The following RIBC2 variants were observed in gnomAD, a reference collection of about 807,000 sequenced individuals.
RIBC2 encodes the protein RIB43A domain with coiled-coils 2, also known as RIB43A-like with coiled-coils protein 2.
In RIBC2, 40 loss-of-function variants were observed where a neutral mutation model predicts 44.3. The ratio of observed to expected loss-of-function variants is 0.90; its 90% CI spans 0.70 to 1.18. RIBC2 has a LOEUF of 1.18. Among genes scored for constraint, RIBC2 ranks in the 50% most tolerant of loss-of-function variants. RIBC2 has a pLI of 0.00. For synonymous variants in RIBC2, 171 were observed against 175.0 expected (o/e 0.98, Z 0.18); for missense variants, 459 against 485.5 (o/e 0.95, Z 0.51).
At chr22:45,417,231 G>A (rs893588977) in intron 2 of RIBC2, among the ~76,000 whole-genome samples, 6 of 152,046 alleles carry the variant, frequency 3.9e-5, no homozygotes, top group Admixed American at 1.3e-4. Flanking sequence ...CTGCCTGGCC[G>A]TTCCTACACT....
chr22:45,416,772 T>C (rs1260204201), intron 2 of RIBC2, among the ~76,000 whole-genome samples: 1 of 151,482 alleles, frequency 6.6e-6, no homozygotes, highest in Non-Finnish European at 1.5e-5. Flanking sequence ...AAATGAGAGA[T>C]CTTGTTTCCC....
intron 5 of RIBC2, among the ~76,000 whole-genome samples, chr22:45,427,892 C>T (rs2087548021): frequency 6.6e-6 from 1 of 152,242 alleles, no homozygotes; most frequent in African/African-American, 2.4e-5. Context: ...ACCTCAGCCT[C>T]CCATAGTGCC....
At chr22:45,419,212 C>A (rs930150454) in intron 3 of RIBC2, among the ~76,000 whole-genome samples, 1 of 152,198 alleles carries the variant, frequency 6.6e-6, no homozygotes. Flanking sequence ...TGAATCCAGA[C>A]TCATAAATTC....
chr22:45,427,545 A>G (rs964914824), intron 5 of RIBC2, among the ~76,000 whole-genome samples: 3 of 152,240 alleles, frequency 2.0e-5, no homozygotes, highest in African/African-American at 7.2e-5. Flanking sequence ...ACAATCTCCA[A>G]TTAAAGCCCA....
chr22:45,420,987 A>G (rs574450188), intron 3 of RIBC2, among the ~76,000 whole-genome samples: 15 of 152,254 alleles, frequency 9.9e-5, no homozygotes, highest in South Asian at 4.1e-4. Context: ...CCCTGAGGTC[A>G]GGAGTTTGAG....
At chr22:45,415,891 G>C (rs957046062) in intron 2 of RIBC2, among the ~76,000 whole-genome samples, 4 of 152,134 alleles carry the variant, frequency 2.6e-5, no homozygotes, top group African/African-American at 9.7e-5. Flanking sequence ...GTAGAGACGA[G>C]GTTTCACCAT....
At position 45,417,726 on chromosome 22, in the gene RIBC2, C is replaced by A; in HGVS notation, c.336C>A (p.Arg112=). 6.2e-7 allele frequency: 1 copy of A among 1,614,100 alleles called. No individual in the cohort carries two copies. Among genetic ancestry groups the A allele is most frequent in the South Asian group, 1.1e-5 (1 of 91,076 alleles). Residue 112 remains arginine (R), a synonymous_variant, in exon 3 of 7, where the codon CGC becomes CGA. Coordinates refer to ENST00000614167, the MANE Select transcript of RIBC2 (RefSeq NM_015653.5). ...FQQSFQKPET[R]REFDLSDPLA... is the part of the protein sequence containing the mutation. ...AGAGCTTTCAGAAGCCAGAAACTCGCCGTGAATTTGATCTGTCCGACCCCC... is the reference window on the plus strand; with the variant it reads ...AGAGCTTTCAGAAGCCAGAAACTCGACGTGAATTTGATCTGTCCGACCCCC...
chr22:45,414,582 C>T (rs1243217979), intron 2 of RIBC2, among the ~76,000 whole-genome samples, 179 bp downstream of exon 2: 2 of 151,618 alleles, frequency 1.3e-5, no homozygotes, highest in Non-Finnish European at 2.9e-5. Context: ...GCAAGTGATC[C>T]TCCCACGTCA....
chr22:45,415,717 T>G (rs1455900471), intron 2 of RIBC2, among the ~76,000 whole-genome samples: 2 of 152,200 alleles, frequency 1.3e-5, no homozygotes, highest in African/African-American at 2.4e-5. Context: ...TATTTTCTTT[T>G]GAGATGGAGT....
chr22:45,422,687 A>C (rs2087498516), intron 4 of RIBC2, among the ~76,000 whole-genome samples: 1 of 152,190 alleles, frequency 6.6e-6, no homozygotes, highest in Non-Finnish European at 1.5e-5. Flanking sequence ...CTTCTTCTGT[A>C]ACATGAGGAT....
At chr22:45,421,590 TAATAG>T (rs1569208985) in intron 3 of RIBC2, among the ~76,000 whole-genome samples, 2 of 39,094 alleles carry the variant, frequency 5.1e-5, no homozygotes, top group Admixed American at 2.8e-4. Context: ...TTAATAATAA[TAATAG>T]TATTATTAAT....
intron 5 of RIBC2, among the ~76,000 whole-genome samples, chr22:45,429,452 G>A (rs923459131): frequency 6.6e-6 from 1 of 152,176 alleles, no homozygotes; most frequent in African/African-American, 2.4e-5. Context: ...GCCAGGCTGG[G>A]GTGGCAGGTG....
rs2087571270 is a variant in RIBC2, at chr22:45,430,704, G to A, written c.904-196G>A. Among the ~76,000 whole-genome samples the A allele has an allele frequency of 2.0e-5, 3 of 152,144 alleles. No homozygotes were observed. In the South Asian group the frequency reaches 6.2e-4, roughly 32 times the overall value. On this transcript the variant is annotated intron_variant, in intron 5 of 6. Transcript: ENST00000614167. ...CGGCCAGCACCTCCTGACGGGGGAG[G>A]GCAGCTGGGCCACATGGAATGAGGG...
intron 3 of RIBC2, among the ~76,000 whole-genome samples, chr22:45,418,489 C>G (rs1001809153): frequency 6.6e-6 from 1 of 152,146 alleles, no homozygotes; most frequent in African/African-American, 2.4e-5. Flanking sequence ...CCCATGTGTC[C>G]TCACTGAGGT....
chr22:45,414,500 A>C, intron 2 of RIBC2, 97 bp downstream of exon 2: 2 of 714,182 alleles, frequency 2.8e-6, no homozygotes, highest in Non-Finnish European at 4.2e-6. Context: ...TTTTTTTTTT[A>C]TTTTTTATTT....
intron 4 of RIBC2, among the ~76,000 whole-genome samples, chr22:45,423,368 CTT>C (rs951860251): frequency 1.3e-5 from 2 of 151,968 alleles, no homozygotes; most frequent in Non-Finnish European, 2.9e-5. Flanking sequence ...TGGGTGGGGA[CTT>C]TGCCTGGGTT....
chr22:45,422,007 A>G (rs2087490272), intron 3 of RIBC2, among the ~76,000 whole-genome samples: 1 of 152,068 alleles, frequency 6.6e-6, no homozygotes, highest in Non-Finnish European at 1.5e-5. Context: ...TTGGGGCTGT[A>G]GAGTATCTCT....
intron 4 of RIBC2, among the ~76,000 whole-genome samples, chr22:45,424,753 CTTTT>C (rs3071820): frequency 1.6e-5 from 2 of 124,376 alleles, no homozygotes; most frequent in Non-Finnish European, 3.3e-5. Flanking sequence ...TTTCTTTTTT[CTTTT>C]TTTTTTTTTT....
intron 5 of RIBC2, 54 bp from the exon 6 acceptor site, chr22:45,430,846 G>C: frequency 6.7e-7 from 1 of 1,484,476 alleles, no homozygotes; most frequent in Non-Finnish European, 9.0e-7. Flanking sequence ...ATAATCCCCT[G>C]GGGTTCTTTG....
Sources: allele counts gnomAD v4.1 joint callset (sites outside exome capture counted in the v4.1 genomes callset), GRCh38; gene constraint gnomAD v4.1.1; transcripts MANE v1.5; gene names NCBI Gene and HGNC (gene_info 2026-07-23, HGNC 2026-07-21).